SCML4: variants seen among roughly 807,000 people sequenced by gnomAD.
The protein encoded by SCML4 is Scm polycomb group protein like 4, also known as sex comb on midleg-like protein 4.
Under a neutral mutation model 41.1 loss-of-function variants are expected in SCML4, and 34 were observed. The observed-to-expected ratio is 0.83, with a 90% CI of 0.63 to 1.10. The LOEUF (loss-of-function observed/expected upper bound fraction) is 1.10. SCML4 is among the 50% of genes least tolerant of loss of function. The pLI is 0.00. For missense variants in SCML4, 522 were observed against 534.1 expected (o/e 0.98, Z 0.22); for synonymous variants, 214 against 220.9 (o/e 0.97, Z 0.28).
chr6:107,702,301 A>G lies in SCML4; in HGVS notation c.*2899T>C, dbSNP rs1773250804. On this transcript the variant is annotated 3_prime_UTR_variant, in exon 8 of 8. Transcript: ENST00000369020. ...TCCGCGAGAGAAGTTCCACGTGAAC[A>G]TGGATCCAGTTTTCTCCAAGACTTG... Among the ~76,000 whole-genome samples the G allele has an allele frequency of 2.0e-5, 3 of 152,374 alleles. No homozygotes were observed. The highest frequency in any genetic ancestry group is 2.1e-4 in the South Asian group (1 of 4,830).
chr6:107,729,032 A>G (rs1169736926), intron 5 of SCML4, among the ~76,000 whole-genome samples: 4 of 152,242 alleles, frequency 2.6e-5, no homozygotes, highest in African/African-American at 4.8e-5. Flanking sequence ...GGCCCTCATC[A>G]TTCGGTGGCA....
chr6:107,787,332 C>T (rs1781978957), intron 1 of SCML4, among the ~76,000 whole-genome samples: 1 of 152,170 alleles, frequency 6.6e-6, no homozygotes, highest in Non-Finnish European at 1.5e-5. Context: ...TGGTTGCAGG[C>T]AGCAGTAAGA....
chr6:107,789,707 A>T (rs1287888406), intron 1 of SCML4, among the ~76,000 whole-genome samples: 1 of 152,168 alleles, frequency 6.6e-6, no homozygotes, highest in Non-Finnish European at 1.5e-5. Context: ...TCCCTGAACA[A>T]GTCCTCCTTC....
intron 1 of SCML4, among the ~76,000 whole-genome samples, chr6:107,813,362 C>CAAAAAAAA (rs1372894645): frequency 2.3e-5 from 2 of 88,872 alleles, no homozygotes; most frequent in Non-Finnish European, 4.1e-5. Context: ...GACGCCATCT[C>CAAAAAAAA]AAAAAAATTA....
intron 6 of SCML4, among the ~76,000 whole-genome samples, chr6:107,708,946 T>C (rs1739872): frequency 0.92 from 139,281 of 152,206 alleles, 63,768 homozygotes; most frequent in Admixed American, 0.93. Context: ...TTTAGGAACC[T>C]ACCTCTTTGT....
intron 5 of SCML4, among the ~76,000 whole-genome samples, chr6:107,739,144 C>T (rs923380934): frequency 4.6e-5 from 7 of 152,256 alleles, no homozygotes; most frequent in African/African-American, 1.7e-4. Context: ...GTCTTCAAAG[C>T]ACCTGGGGAT....
chr6:107,812,311 A>G (rs1257953678), intron 1 of SCML4, among the ~76,000 whole-genome samples: 1 of 152,192 alleles, frequency 6.6e-6, no homozygotes. Context: ...GAACTGAACA[A>G]TACCACCAGG....
chr6:107,802,586 GGA>G (rs1783240013), intron 1 of SCML4, among the ~76,000 whole-genome samples: 1 of 114,508 alleles, frequency 8.7e-6, no homozygotes, highest in African/African-American at 3.7e-5. Context: ...GAGGGAGGAA[GGA>G]AGGAAGGAAG....
chr6:107,831,990 G>A, the SCML4 span, among the ~76,000 whole-genome samples: 285 of 151,988 alleles, frequency 1.9e-3, 3 homozygotes, highest in African/African-American at 6.7e-3. Context: ...GTGAACCCGG[G>A]AGGTGGAGCT....
intron 1 of SCML4, among the ~76,000 whole-genome samples, chr6:107,804,248 C>CGTGT (rs1554223036): frequency 0.058 from 8,740 of 150,724 alleles, 856 homozygotes; most frequent in African/African-American, 0.2. Context: ...AAACATGAAA[C>CGTGT]GTGTGTGTGT....
intron 5 of SCML4, among the ~76,000 whole-genome samples, chr6:107,735,347 A>C (rs1776949261): frequency 1.3e-5 from 2 of 152,182 alleles, no homozygotes; most frequent in South Asian, 4.1e-4. Context: ...ACAATGTTCC[A>C]GTCATGTGGC....
chr6:107,739,050 A>G (rs756358961), intron 5 of SCML4, among the ~76,000 whole-genome samples: 2 of 152,148 alleles, frequency 1.3e-5, no homozygotes, highest in Admixed American at 1.3e-4. Context: ...CAAGGGAACT[A>G]TCTTCTGAGA....
intron 1 of SCML4, among the ~76,000 whole-genome samples, chr6:107,820,112 G>T (rs780186581): frequency 4.1e-4 from 62 of 152,214 alleles, no homozygotes; most frequent in Non-Finnish European, 6.2e-4. Flanking sequence ...AGGCAGGGAT[G>T]TTCTTGTCTG....
At chr6:107,828,207 A>C (rs1261150634), upstream of SCML4, among the ~76,000 whole-genome samples, 1 of 152,118 alleles carries the variant, frequency 6.6e-6, no homozygotes, top group Non-Finnish European at 1.5e-5. Flanking sequence ...GCCCAAAGAT[A>C]CTCTAATTAA....
At chr6:107,805,626 A>G (rs1052221013) in intron 1 of SCML4, among the ~76,000 whole-genome samples, 23 of 152,136 alleles carry the variant, frequency 1.5e-4, no homozygotes, top group African/African-American at 4.8e-4. Context: ...GAAAAACCCA[A>G]TTACACCCAG....
chr6:107,755,691 TTTG>T, intron 2 of SCML4: 1 of 1,119,842 alleles, frequency 8.9e-7, no homozygotes, highest in Non-Finnish European at 1.2e-6. Context: ...AGCTGTCTAT[TTTG>T]TTTTTTAAAT....
At position 107,763,473 on chromosome 6, in the gene SCML4, A is replaced by T. The variant is rs186884270; in HGVS notation, c.156+8699T>A. ...ACCATCCCGGCTCACTGCAACCTCC[A>T]TCTCCCAGGTTCAAGCGATTCTCCT... On this transcript the variant is annotated intron_variant, in intron 2 of 7. Transcript: ENST00000369020. 1.0e-4 allele frequency among the ~76,000 whole-genome samples: 15 copies of T among 149,020 alleles called. 1 individual carries two copies. The East Asian group carries it at 2.8e-3, about 28-fold the overall frequency.
At chr6:107,823,993 G>GA (rs1452148724) in intron 1 of SCML4, 133 bp downstream of exon 1, 3 of 152,178 alleles carry the variant, frequency 2.0e-5, no homozygotes, top group Non-Finnish European at 4.4e-5. Context: ...TTTAGTGCAG[G>GA]ACACTCTTGT....
intron 6 of SCML4, among the ~76,000 whole-genome samples, chr6:107,711,308 T>C (rs1274670943): frequency 6.6e-6 from 1 of 152,220 alleles, no homozygotes; most frequent in Non-Finnish European, 1.5e-5. Context: ...GACTCCTCCA[T>C]GGCTCAGAGT....
Sources: allele counts gnomAD v4.1 joint callset (sites outside exome capture counted in the v4.1 genomes callset), GRCh38; gene constraint gnomAD v4.1.1; transcripts MANE v1.5; gene names NCBI Gene and HGNC (gene_info 2026-07-23, HGNC 2026-07-21).